The following PARVB variants were observed in gnomAD, a reference collection of about 807,000 sequenced individuals.
The protein encoded by PARVB is parvin beta, also known as beta-parvin.
In PARVB, 46 loss-of-function variants were observed where a neutral mutation model predicts 47.0. The ratio of observed to expected loss-of-function variants is 0.98; its 90% CI spans 0.77 to 1.25. The LOEUF is 1.25. Among genes scored for constraint, PARVB ranks in the 50% most tolerant of loss-of-function variants. The pLI, the probability that PARVB is intolerant of heterozygous loss-of-function variation, is 0.00. For synonymous variants in PARVB, 196 were observed against 196.3 expected (o/e 1.00, Z 0.01); for missense variants, 473 against 471.6 (o/e 1.00, Z -0.03).
chr22:44,133,090 C>G lies in PARVB; in HGVS notation c.633+81C>G, dbSNP rs545667841. 1.8e-5 allele frequency: 16 copies of G among 894,562 alleles called. No individual in the cohort carries two copies. In the South Asian group the frequency reaches 2.1e-4, roughly 12 times the overall value. The allele number at this position is 894,562 out of a possible 1,614,324, so 55.4% of individuals were successfully genotyped here. ...TCCTCCTGCAGTTTTCCTGCCCTCC[C>G]CCTCCTTTTTTCCCCCCAGGAGGCT... is the stretch of plus-strand genomic sequence containing the variant. On this transcript the variant is annotated intron_variant, in intron 6 of 12. Coordinates refer to ENST00000338758, the MANE Select transcript of PARVB (RefSeq NM_013327.5).
At chr22:44,136,384 C>A in intron 6 of PARVB, 76 bp from the exon 7 acceptor site, 1 of 1,321,302 alleles carries the variant, frequency 7.6e-7, no homozygotes, top group Non-Finnish European at 1.1e-6. Flanking sequence ...GGCCCCGCAG[C>A]TTCGTCTGCC....
intron 4 of PARVB, among the ~76,000 whole-genome samples, chr22:44,124,251 A>G (rs1321672969): frequency 2.0e-5 from 3 of 152,182 alleles, no homozygotes; most frequent in Admixed American, 6.5e-5. Context: ...TTCAGTTCTC[A>G]TAGAGCCCTG....
At chr22:44,163,030 G>GCCCTCCCTCCCCTGAGGGCAC (rs1184126256) in intron 11 of PARVB, among the ~76,000 whole-genome samples, 1 of 152,108 alleles carries the variant, frequency 6.6e-6, no homozygotes, top group Non-Finnish European at 1.5e-5. Flanking sequence ...CAGTGCTAAG[G>GCCCTCCCTCCCCTGAGGGCAC]CCCTCCCTCC....
chr22:44,095,541 A>G (rs1399288453), intron 2 of PARVB, among the ~76,000 whole-genome samples: 1 of 151,890 alleles, frequency 6.6e-6, no homozygotes, highest in East Asian at 1.9e-4. Context: ...AATGCAAAAC[A>G]CAATTAATAT....
chr22:44,100,015 C>G lies in PARVB; in HGVS notation c.203-38C>G, dbSNP rs536338909. On this transcript the variant is annotated intron_variant, in intron 2 of 12. Transcript: ENST00000338758. The stretch of plus-strand genomic sequence containing the variant: ...TGGTTCCCCGTGTCCCTGCCACCCC[C>G]ACAATCGCTGACCGTGACTTCCTTT... 4 of 1,577,160 alleles carry G rather than the reference C, an allele frequency of 2.5e-6. No homozygotes were observed. In the South Asian group the frequency reaches 4.4e-5, roughly 17 times the overall value.
Position 44,171,349 on chromosome 22 carries a change from A to C in PARVB, c.*2671A>C, listed in dbSNP as rs1484099262. ...CATGTCTACTAAAAATACAAAAATTAGCCATGCATGGTATGTATGCCTGTA... is the reference window on the plus strand; with the variant it reads ...CATGTCTACTAAAAATACAAAAATTCGCCATGCATGGTATGTATGCCTGTA... On this transcript the variant is annotated 3_prime_UTR_variant, in exon 13 of 13. Coordinates refer to ENST00000338758, the MANE Select transcript of PARVB (RefSeq NM_013327.5). 1 of 152,072 alleles carries C rather than the reference A, an allele frequency of 6.6e-6. No homozygotes were observed. Among genetic ancestry groups the C allele is most frequent in the East Asian group, 1.9e-4 (1 of 5,186 alleles). 9.4% of individuals were successfully genotyped at this position (152,072 alleles called of 1,614,324 possible).
chr22:44,154,276 G>A (rs2053871453), intron 10 of PARVB, among the ~76,000 whole-genome samples: 1 of 152,184 alleles, frequency 6.6e-6, no homozygotes, highest in Non-Finnish European at 1.5e-5. Flanking sequence ...CCCCAGAAAA[G>A]GTCGCTGGTT....
chr22:44,111,475 G>A (rs1286055166), intron 3 of PARVB: 1 of 99,580 alleles, frequency 1.0e-5, no homozygotes, highest in Non-Finnish European at 1.8e-5. Flanking sequence ...TTTGAGACAG[G>A]GTCTTGCTCT....
chr22:44,051,255 A>G (rs2051202995), intron 1 of PARVB, among the ~76,000 whole-genome samples: 1 of 152,210 alleles, frequency 6.6e-6, no homozygotes, highest in Non-Finnish European at 1.5e-5. Flanking sequence ...GAAAAATATC[A>G]ACAATTCTTA....
At chr22:44,141,446 G>T (rs2053550782) in intron 8 of PARVB, 1 of 152,202 alleles carries the variant, frequency 6.6e-6, no homozygotes, top group Non-Finnish European at 1.5e-5. Context: ...TGGAGGCTGG[G>T]AGACTAAGCC....
intron 11 of PARVB, among the ~76,000 whole-genome samples, chr22:44,160,937 G>T (rs80209607): frequency 1.6e-3 from 239 of 152,310 alleles, no homozygotes; most frequent in African/African-American, 5.5e-3. Flanking sequence ...CTCCCTCAGC[G>T]TGGAAGAGGA....
At chr22:44,156,585 T>G (rs888295960) in intron 10 of PARVB, among the ~76,000 whole-genome samples, 1 of 152,230 alleles carries the variant, frequency 6.6e-6, no homozygotes, top group Non-Finnish European at 1.5e-5. Flanking sequence ...AAGTTTTTAC[T>G]TTTAATTTTT....
chr22:44,005,267 T>G lies in PARVB; in HGVS notation c.211+5594T>G, dbSNP rs1362127490. ...GGCGTGTGCCACCGTGCCCAGCTAA[T>G]TTTTTCTATTTTTTTTTTTTTTTTC... is the stretch of plus-strand genomic sequence containing the variant. On this transcript the variant is annotated intron_variant, in intron 2 of 13. Transcript: ENST00000406477. Among the ~76,000 whole-genome samples, 4 of 93,342 alleles carry G rather than the reference T, an allele frequency of 4.3e-5. No homozygotes were observed. The East Asian group carries it at 1.5e-3, about 36-fold the overall frequency. The allele number at this position is 93,342 out of a possible 152,430, so 61.2% of individuals were successfully genotyped here.
At chr22:44,156,020 C>T (rs950981158) in intron 10 of PARVB, among the ~76,000 whole-genome samples, 3 of 151,938 alleles carry the variant, frequency 2.0e-5, no homozygotes, top group Non-Finnish European at 4.4e-5. Flanking sequence ...TATGGTGGCA[C>T]GCGCCTGTAA....
intron 2 of PARVB, among the ~76,000 whole-genome samples, chr22:44,094,558 C>T (rs2052253313): frequency 1.4e-5 from 2 of 145,900 alleles, no homozygotes; most frequent in South Asian, 4.2e-4. Flanking sequence ...GATATGATCA[C>T]AGCTCATGGC....
chr22:44,100,194 A>T, intron 3 of PARVB, 71 bp downstream of exon 3: 2 of 1,228,204 alleles, frequency 1.6e-6, no homozygotes, highest in Non-Finnish European at 2.4e-6. Context: ...CAGGGCTCTC[A>T]TGGACAAAGG....
chr22:44,046,361 C>T (rs781342144), intron 1 of PARVB, among the ~76,000 whole-genome samples: 7 of 152,198 alleles, frequency 4.6e-5, no homozygotes, highest in East Asian at 1.9e-4. Context: ...CTAGGAGATG[C>T]GTCCTGAGGC....
exon 2 of PARVB, chr22:43,999,597 G>A (rs2146837344): frequency 1.9e-6 from 3 of 1,613,848 alleles, no homozygotes; most frequent in Non-Finnish European, 2.5e-6. Flanking sequence ...AGGCACTCAT[G>A]GCTTCTCTGG....
chr22:44,017,135 A>G (rs2050592024), intron 2 of PARVB, among the ~76,000 whole-genome samples: 1 of 152,162 alleles, frequency 6.6e-6, no homozygotes, highest in Admixed American at 6.5e-5. Flanking sequence ...TCAGCCTCCC[A>G]AAGTGCTGGG....
Sources: allele counts gnomAD v4.1 joint callset (sites outside exome capture counted in the v4.1 genomes callset), GRCh38; gene constraint gnomAD v4.1.1; transcripts MANE v1.5; gene names NCBI Gene and HGNC (gene_info 2026-07-23, HGNC 2026-07-21).